The following AP3S2 variants were observed in gnomAD, a reference collection of about 807,000 sequenced individuals.
The protein encoded by AP3S2 is adaptor related protein complex 3 subunit sigma 2.
In AP3S2, 22 loss-of-function variants were observed where a neutral mutation model predicts 23.4. The observed-to-expected ratio is 0.94, with a 90% CI of 0.67 to 1.34. The LOEUF is 1.34. Among genes scored for constraint, AP3S2 ranks in the 40% most tolerant of loss-of-function variants. AP3S2 has a pLI of 0.00. For synonymous variants in AP3S2, 86 were observed against 87.1 expected (o/e 0.99, Z 0.07); for missense variants, 241 against 236.9 (o/e 1.02, Z -0.11).
intron 4 of AP3S2, among the ~76,000 whole-genome samples, chr15:89,841,422 G>A (rs866409892): frequency 1.8e-4 from 27 of 152,286 alleles, no homozygotes; most frequent in Middle Eastern, 3.4e-3. Flanking sequence ...TACAGGGAGA[G>A]GACAGGGAAG....
intron 3 of AP3S2, chr15:89,877,497 G>C: frequency 1.3e-6 from 1 of 799,820 alleles, no homozygotes; most frequent in Non-Finnish European, 1.8e-6. Context: ...AGTAGCATTC[G>C]ATAACGTTCA....
chr15:89,868,571 G>A (rs1210984389), intron 4 of AP3S2, among the ~76,000 whole-genome samples: 10 of 123,210 alleles, frequency 8.1e-5, no homozygotes, highest in South Asian at 2.8e-4. Context: ...GAGGTGGGGG[G>A]GTCAGCCCTC....
chr15:89,884,434 C>T (rs763012119), intron 3 of AP3S2, among the ~76,000 whole-genome samples: 8 of 151,540 alleles, frequency 5.3e-5, no homozygotes, highest in Non-Finnish European at 8.8e-5. Flanking sequence ...CCACTCAACA[C>T]ACAGAAGAGA....
intron 4 of AP3S2, among the ~76,000 whole-genome samples, chr15:89,859,257 TTCC>T (rs896333290): frequency 4.0e-5 from 6 of 151,206 alleles, no homozygotes; most frequent in East Asian, 1.9e-4. Flanking sequence ...CCCTCCTTCC[TTCC>T]TTTTTTTCTT....
Position 89,834,577 on chromosome 15 carries a change from G to T in AP3S2, c.*938C>A, listed in dbSNP as rs948311225. The stretch of plus-strand genomic sequence containing the variant: ...ATGCGGGAAGCATATTCTTCATGAG[G>T]CGGTAACCAAAAGGCTTGGCTATAC... On this transcript the variant is annotated 3_prime_UTR_variant, in exon 6 of 6. Transcript: ENST00000336418. 1 of 152,246 alleles carries T rather than the reference G, an allele frequency of 6.6e-6. No individual in the cohort carries two copies. The highest frequency in any genetic ancestry group is 1.5e-5 in the Non-Finnish European group (1 of 68,096). The allele number at this position is 152,246 out of a possible 1,614,324, so 9.4% of individuals were successfully genotyped here.
chr15:89,839,115 G>A (rs1895265060), intron 4 of AP3S2, among the ~76,000 whole-genome samples: 1 of 152,120 alleles, frequency 6.6e-6, no homozygotes, highest in Non-Finnish European at 1.5e-5. Context: ...GTGTTCCAGG[G>A]GGCAAATTCA....
In AP3S2 at chr15:89,832,095, A is replaced by G. The variant is rs1051039575; in HGVS notation, c.*3420T>C. 1.3e-5 allele frequency: 2 copies of G among 152,206 alleles called. No homozygotes were observed. Among genetic ancestry groups the G allele is most frequent in the Non-Finnish European group, 2.9e-5 (2 of 68,034 alleles). 9.4% of individuals were successfully genotyped at this position (152,206 alleles called of 1,614,324 possible). A position where few individuals can be genotyped will look rare whatever the true frequency, so the allele number is the denominator to read the frequency against. Reference sequence around the variant, plus strand: ...TGAGCTTGGCCCTCACCAGGCACTTAGAAATTGCATAATGAAAGAATTTCA... The same window carrying G: ...TGAGCTTGGCCCTCACCAGGCACTTGGAAATTGCATAATGAAAGAATTTCA... On this transcript the variant is annotated 3_prime_UTR_variant, in exon 6 of 6. Transcript: ENST00000336418.
At chr15:89,846,384 G>A (rs1336643806) in intron 4 of AP3S2, among the ~76,000 whole-genome samples, 1 of 151,538 alleles carries the variant, frequency 6.6e-6, no homozygotes, top group Non-Finnish European at 1.5e-5. Flanking sequence ...TTGAGACATG[G>A]TCTCACTCTG....
At chr15:89,837,241 A>C (rs770714246) in intron 5 of AP3S2, among the ~76,000 whole-genome samples, 6 of 152,182 alleles carry the variant, frequency 3.9e-5, no homozygotes, top group Non-Finnish European at 7.3e-5. Flanking sequence ...AGAGCACACA[A>C]ACTAGGAAAC....
In AP3S2 at chr15:89,837,762, G is replaced by A. The variant is rs753260830; in HGVS notation, c.346-40C>T. ...AAAATCAGGAGTCAGAATACTCTGT[G>A]GTGGTCAGAGTGTAACCCACGAGGT... On this transcript the variant is annotated intron_variant, in intron 4 of 5. Transcript: ENST00000336418. 9.9e-6 allele frequency: 16 copies of A among 1,609,704 alleles called. 1 individual carries two copies. The highest frequency in any genetic ancestry group is 1.4e-5 in the Non-Finnish European group (16 of 1,176,614).
At chr15:89,862,919 A>G (rs1337822246) in intron 4 of AP3S2, among the ~76,000 whole-genome samples, 1 of 152,168 alleles carries the variant, frequency 6.6e-6, no homozygotes. Context: ...TAAATACCCA[A>G]GTTTTGCTTC....
chr15:89,872,617 T>C (rs146071570), intron 3 of AP3S2, among the ~76,000 whole-genome samples: 1 of 152,290 alleles, frequency 6.6e-6, no homozygotes, highest in Non-Finnish European at 1.5e-5. Flanking sequence ...AAAATGGGTC[T>C]TACTTGAGGC....
intron 4 of AP3S2, among the ~76,000 whole-genome samples, chr15:89,847,637 T>C (rs1895529704): frequency 1.3e-5 from 2 of 152,204 alleles, no homozygotes; most frequent in East Asian, 1.9e-4. Context: ...TCTAATCCCA[T>C]GTCAACAGAG....
At chr15:89,869,567 TAAAA>T (rs527600193) in intron 4 of AP3S2, among the ~76,000 whole-genome samples, 5 of 123,428 alleles carry the variant, frequency 4.1e-5, no homozygotes, top group Admixed American at 8.0e-5. Context: ...GAATTATCAA[TAAAA>T]AAAAAAAAAA....
At chr15:89,866,434 C>T (rs956444419) in intron 4 of AP3S2, among the ~76,000 whole-genome samples, 1 of 151,996 alleles carries the variant, frequency 6.6e-6, no homozygotes, top group African/African-American at 2.4e-5. Context: ...TGTATTATCC[C>T]ACAGGTCCCT....
At chr15:89,874,912 G>A (rs927286310) in intron 3 of AP3S2, among the ~76,000 whole-genome samples, 43 of 152,282 alleles carry the variant, frequency 2.8e-4, no homozygotes, top group Admixed American at 2.4e-3. Flanking sequence ...CGTATTTTAA[G>A]TTGGTGGGGA....
Position 89,847,151 on chromosome 15 carries a change from A to C in AP3S2, c.346-9429T>G, listed in dbSNP as rs151056678. On this transcript the variant is annotated intron_variant, in intron 4 of 5. Coordinates refer to ENST00000336418, the MANE Select transcript of AP3S2 (RefSeq NM_005829.5). ...CAGCATTTTGGGAGGCCTAGGAAGG[A>C]GGATTGCTTGAGCCCAGGAGTTCAA... Among the ~76,000 whole-genome samples, 862 of 151,842 alleles carry C rather than the reference A, an allele frequency of 5.7e-3. 11 individuals are homozygous for C. Among genetic ancestry groups the C allele is most frequent in the African/African-American group, 0.02 (831 of 41,408 alleles).
intron 4 of AP3S2, among the ~76,000 whole-genome samples, chr15:89,863,068 G>A (rs1042074987): frequency 6.6e-6 from 1 of 152,076 alleles, no homozygotes; most frequent in Non-Finnish European, 1.5e-5. Context: ...GGTTCTATAT[G>A]ACAGAAAGAA....
intron 4 of AP3S2, among the ~76,000 whole-genome samples, chr15:89,869,398 T>A (rs1896259136): frequency 6.8e-6 from 1 of 148,038 alleles, no homozygotes; most frequent in Admixed American, 6.8e-5. Context: ...TCATCACCAA[T>A]CCCTAATCTC....
Sources: gnomAD v4.1 joint callset for allele counts (sites outside exome capture counted in the v4.1 genomes callset) on GRCh38, gnomAD v4.1.1 for gene constraint, MANE v1.5 for transcripts, NCBI Gene and HGNC (gene_info 2026-07-23, HGNC 2026-07-21) for gene names.